SDK1: variants seen among roughly 807,000 people sequenced by gnomAD.
SDK1 encodes the protein sidekick cell adhesion molecule 1.
Under a neutral mutation model 245.5 loss-of-function variants are expected in SDK1, and 157 were observed. The observed-to-expected ratio is 0.64, with a 90% confidence interval of 0.56 to 0.73. The LOEUF (loss-of-function observed/expected upper bound fraction) is 0.73. Among genes scored for constraint, SDK1 ranks in the 30% least tolerant of loss-of-function variants. SDK1 has a pLI of 0.00. For synonymous variants in SDK1, 1,647 were observed against 1,278.5 expected (o/e 1.29, Z -6.15); for missense variants, 3,583 against 3,002.3 (o/e 1.19, Z -4.52).
chr7:3,895,774 G>A (rs1215776339), intron 5 of SDK1, among the ~76,000 whole-genome samples: 2 of 152,138 alleles, frequency 1.3e-5, no homozygotes, highest in African/African-American at 4.8e-5. Flanking sequence ...CCATTTTTAT[G>A]TTGGGTCTTC....
intron 22 of SDK1, among the ~76,000 whole-genome samples, chr7:4,087,655 G>A (rs531204724): frequency 6.6e-6 from 1 of 152,230 alleles, no homozygotes; most frequent in East Asian, 1.9e-4. Context: ...CTCTAATCCT[G>A]CCTTCACCTG....
At chr7:3,633,620 A>G (rs1429575338) in intron 2 of SDK1, among the ~76,000 whole-genome samples, 1 of 152,186 alleles carries the variant, frequency 6.6e-6, no homozygotes, top group Non-Finnish European at 1.5e-5. Flanking sequence ...TTTCATAAAA[A>G]AAGAAATGAT....
At chr7:3,856,523 G>A (rs1780550228) in intron 5 of SDK1, among the ~76,000 whole-genome samples, 1 of 150,104 alleles carries the variant, frequency 6.7e-6, no homozygotes, top group African/African-American at 2.4e-5. Context: ...GGGCATGGTG[G>A]CTCACGCTTG....
At chr7:4,009,707 C>T (rs1211507702) in intron 14 of SDK1, among the ~76,000 whole-genome samples, 1 of 152,224 alleles carries the variant, frequency 6.6e-6, no homozygotes, top group Admixed American at 6.5e-5. Flanking sequence ...TGGCTTCATG[C>T]TTCAGAGCAG....
At chr7:3,484,675 C>G (rs1043749847) in intron 1 of SDK1, among the ~76,000 whole-genome samples, 4 of 152,190 alleles carry the variant, frequency 2.6e-5, no homozygotes. Flanking sequence ...CCCTGCCCTT[C>G]CTAGCCTCTG....
chr7:4,089,398 C>T (rs1449029404), intron 22 of SDK1, among the ~76,000 whole-genome samples: 1 of 152,260 alleles, frequency 6.6e-6, no homozygotes, highest in Non-Finnish European at 1.5e-5. Context: ...TGCATCTCCG[C>T]TGAGGGTCCC....
chr7:3,748,407 C>T (rs964266293), intron 4 of SDK1, among the ~76,000 whole-genome samples: 2 of 152,124 alleles, frequency 1.3e-5, no homozygotes, highest in African/African-American at 2.4e-5. Context: ...ATTGAATAGC[C>T]TGTATATATT....
chr7:3,495,252 C>CTTTTTTTTT lies in SDK1; in HGVS notation c.299-123813_299-123805dup, dbSNP rs71029675. ...TTCTGAGCTGGAAAGCATAATGGTT[C>CTTTTTTTTT]TTTTTTTTTTTTTTTTTTTTTTTGA... On this transcript the variant is annotated intron_variant, in intron 1 of 44. Coordinates refer to ENST00000404826, the MANE Select transcript of SDK1 (RefSeq NM_152744.4). Among the ~76,000 whole-genome samples, 4 of 99,772 alleles carry CTTTTTTTTT rather than the reference C, an allele frequency of 4.0e-5. 1 individual carries two copies. Among genetic ancestry groups the CTTTTTTTTT allele is most frequent in the Non-Finnish European group, 7.6e-5 (4 of 52,906 alleles). 65.5% of individuals were successfully genotyped at this position (99,772 alleles called of 152,430 possible). A position where few individuals can be genotyped will look rare whatever the true frequency, so the allele number is the denominator to read the frequency against.
intron 20 of SDK1, 111 bp from the exon 21 acceptor site, chr7:4,076,887 C>T (rs1780717038): frequency 2.2e-6 from 2 of 930,098 alleles, no homozygotes; most frequent in Admixed American, 2.3e-5. Flanking sequence ...GCCTTCAGCA[C>T]ATCCAGCCAA....
At chr7:4,170,592 G>A (rs992240309) in intron 32 of SDK1, among the ~76,000 whole-genome samples, 6 of 152,198 alleles carry the variant, frequency 3.9e-5, no homozygotes, top group Admixed American at 2.6e-4. Context: ...ACTGTCGGGA[G>A]CCAGATTGCA....
At chr7:3,422,630 C>T (rs1014504773) in intron 1 of SDK1, among the ~76,000 whole-genome samples, 7 of 152,082 alleles carry the variant, frequency 4.6e-5, no homozygotes, top group Non-Finnish European at 1.0e-4. Context: ...CCATCACACA[C>T]ACCCAGAAAA....
chr7:4,205,291 C>T (rs192697742), intron 35 of SDK1, among the ~76,000 whole-genome samples: 1 of 152,300 alleles, frequency 6.6e-6, no homozygotes, highest in East Asian at 1.9e-4. Context: ...ATGCCTGAAC[C>T]TGTCATGGGA....
At chr7:3,797,056 G>C (rs1778977985) in intron 4 of SDK1, among the ~76,000 whole-genome samples, 1 of 150,614 alleles carries the variant, frequency 6.6e-6, no homozygotes, top group Non-Finnish European at 1.5e-5. Context: ...CTGGGCTCTG[G>C]AGTGCAGTGG....
chr7:3,871,146 T>C (rs1780946243), intron 5 of SDK1, among the ~76,000 whole-genome samples: 1 of 136,760 alleles, frequency 7.3e-6, no homozygotes, highest in Non-Finnish European at 1.5e-5. Flanking sequence ...TAAGTATTTC[T>C]TGACTTTTTT....
In SDK1 at chr7:4,133,905, T is replaced by A. The variant is rs1403314624; in HGVS notation, c.4228+1482T>A. ...CCAGACTTACAAACAGGTGGTAAAATTCACCACTTTTGCCTGCATTTGATC... is the reference window on the plus strand; with the variant it reads ...CCAGACTTACAAACAGGTGGTAAAAATCACCACTTTTGCCTGCATTTGATC... On this transcript the variant is annotated intron_variant, in intron 28 of 44. Transcript: ENST00000404826. Among the ~76,000 whole-genome samples, 5 of 152,288 alleles carry A rather than the reference T, an allele frequency of 3.3e-5. No individual in the cohort carries two copies. In the East Asian group the frequency reaches 5.8e-4, roughly 18 times the overall value.
Position 4,073,304 on chromosome 7 carries a change from C to G in SDK1, c.3011-3694C>G, listed in dbSNP as rs554960315. Among the ~76,000 whole-genome samples the G allele has an allele frequency of 2.0e-5, 3 of 152,344 alleles. No individual in the cohort carries two copies. The East Asian group carries it at 5.8e-4, about 29-fold the overall frequency. The stretch of plus-strand genomic sequence containing the variant: ...TCCCACCTCACGCCCACCACTCTGT[C>G]TGTGCTCACAGGCATCACACGTCTT... On this transcript the variant is annotated intron_variant, in intron 20 of 44. Transcript: ENST00000404826.
intron 4 of SDK1, among the ~76,000 whole-genome samples, chr7:3,798,173 C>T (rs536973160): frequency 2.7e-5 from 4 of 145,780 alleles, no homozygotes; most frequent in African/African-American, 5.1e-5. Flanking sequence ...CTGTAGACTT[C>T]TCCAATCTGT....
chr7:3,942,604 T>C (rs1484101122), intron 5 of SDK1, among the ~76,000 whole-genome samples: 6 of 152,190 alleles, frequency 3.9e-5, no homozygotes, highest in Non-Finnish European at 8.8e-5. Context: ...AAAAAATGTT[T>C]TCTCTTGTTT....
intron 7 of SDK1, among the ~76,000 whole-genome samples, chr7:3,957,498 G>T (rs1216189832): frequency 6.6e-6 from 1 of 152,210 alleles, no homozygotes; most frequent in East Asian, 1.9e-4. Context: ...GCTCAACTAA[G>T]AAGAGGAAAA....
Sources: allele counts gnomAD v4.1 joint callset (sites outside exome capture counted in the v4.1 genomes callset), GRCh38; gene constraint gnomAD v4.1.1; transcripts MANE v1.5; gene names NCBI Gene and HGNC (gene_info 2026-07-23, HGNC 2026-07-21).